Variants in ASGR1 observed in about 807,000 individuals in gnomAD.
ASGR1 encodes asialoglycoprotein receptor 1.
A neutral mutation model predicts 33.1 loss-of-function variants in ASGR1; 35 were observed. The observed-to-expected ratio is 1.06, with a 90% CI of 0.81 to 1.40. ASGR1 has a LOEUF of 1.40. Ranked by LOEUF, ASGR1 falls within the 40% of genes most tolerant of loss-of-function variation. The pLI is 0.00. For missense variants in ASGR1, 396 were observed against 373.7 expected, an observed-to-expected ratio of 1.06 and a Z score of -0.49; for synonymous variants, 142 against 152.5, an observed-to-expected ratio of 0.93 and a Z score of 0.51.
intron 5 of ASGR1, 51 bp from the exon 6 acceptor site, chr17:7,174,511 A>AGGGAAAC (rs1033933950): frequency 5.1e-6 from 8 of 1,570,464 alleles, no homozygotes; most frequent in East Asian, 4.6e-5. Flanking sequence ...AACCACGGGG[A>AGGGAAAC]GGGAAACGGG....
At chr17:7,174,851 CCACAACACA>C (rs758050383) in intron 5 of ASGR1, among the ~76,000 whole-genome samples, 8 of 141,832 alleles carry the variant, frequency 5.6e-5, no homozygotes, top group Admixed American at 7.0e-5. Context: ...CCACATACAT[CCACAACACA>C]CACAACACAC....
rs1354045172 is a variant in ASGR1, at chr17:7,174,684, TCCTA to T, written c.356-228_356-225del. ...CACACTCACACAGACACACAACACA[TCCTA>T]ACACACACACACAGACAATATACAA... On this transcript the variant is annotated intron_variant, in intron 5 of 8. Coordinates refer to ENST00000269299, the MANE Select transcript of ASGR1 (RefSeq NM_001671.5). Among the ~76,000 whole-genome samples the T allele has an allele frequency of 2.8e-5, 3 of 107,356 alleles. No homozygotes were observed. In the East Asian group the frequency reaches 8.6e-4, roughly 31 times the overall value. 70.4% of individuals were successfully genotyped at this position (107,356 alleles called of 152,430 possible).
At position 7,174,305 on chromosome 17, in the gene ASGR1, G is replaced by GGGGC. The variant is rs752100016; in HGVS notation, c.443-20_443-17dup. The GGGGC allele has an allele frequency of 1.5e-5, 25 of 1,613,476 alleles. No individual in the cohort carries two copies. In the African/African-American group the frequency reaches 2.1e-4, roughly 14 times the overall value. Reference sequence around the variant, plus strand: ...CTTTCTGAGCCTGAGCGGGAGAAACGGGGCGCAGGGGCTAAGCGCTGCCCA... The same window carrying GGGGC: ...CTTTCTGAGCCTGAGCGGGAGAAACGGGGCGGGCGCAGGGGCTAAGCGCTGCCCA... On this transcript the variant is annotated splice_polypyrimidine_tract_variant and intron_variant, in intron 6 of 8. Coordinates refer to ENST00000269299, the MANE Select transcript of ASGR1 (RefSeq NM_001671.5).
At chr17:7,176,527 CCACACACACACCATCTCATTCTCA>C in intron 5 of ASGR1, 2 of 414,954 alleles carry the variant, frequency 4.8e-6, no homozygotes, top group Non-Finnish European at 4.2e-6. Context: ...CCTCTCATTC[CCACACACACACCATCTCATTCTCA>C]CACACACACA....
In ASGR1 at chr17:7,174,069, T is replaced by C; in HGVS notation, c.595-2A>G. ...GCCTATGTGGTGCTGGACAAATTTCTGAGGAGAGAGAAGGCGGGTGGTGAT... is the reference window on the plus strand; with the variant it reads ...GCCTATGTGGTGCTGGACAAATTTCCGAGGAGAGAGAAGGCGGGTGGTGAT... On this transcript the variant is annotated splice_acceptor_variant, in intron 7 of 8. Coordinates refer to ENST00000269299, the MANE Select transcript of ASGR1 (RefSeq NM_001671.5). LOFTEE classifies it high-confidence loss of function. 6.2e-7 allele frequency: 1 copy of C among 1,614,190 alleles called. No individual in the cohort carries two copies. Among genetic ancestry groups the C allele is most frequent in the East Asian group, 2.2e-5 (1 of 44,880 alleles).
Position 7,174,156 on chromosome 17 carries a change from G to T in ASGR1, c.576C>A (p.Val192=), listed in dbSNP as rs764624231. The T allele has an allele frequency of 6.2e-7, 1 of 1,614,098 alleles. No individual in the cohort carries two copies. Among genetic ancestry groups the T allele is most frequent in the South Asian group, 1.1e-5 (1 of 91,076 alleles). Residue 192 remains valine, a synonymous_variant, in exon 7 of 9, where the codon GTC becomes GTA. Transcript: ENST00000269299. ...CRLEDAHLVV[V]TSWEEQKFVQ... ...TCCTCACCTGCTCCTCCCAGGACGTGACCACCACCAGGTGCGCGTCCTCCA... is the reference window on the plus strand; with the variant it reads ...TCCTCACCTGCTCCTCCCAGGACGTTACCACCACCAGGTGCGCGTCCTCCA...
At chr17:7,175,347 C>T (rs1030418514) in intron 5 of ASGR1, among the ~76,000 whole-genome samples, 3 of 142,048 alleles carry the variant, frequency 2.1e-5, no homozygotes, top group Admixed American at 2.1e-4. Flanking sequence ...CCTTCACCCA[C>T]ACACACACAC....
intron 5 of ASGR1, 52 bp downstream of exon 5, chr17:7,176,778 A>C: frequency 6.3e-7 from 1 of 1,576,328 alleles, no homozygotes; most frequent in Non-Finnish European, 8.6e-7. Flanking sequence ...ACATCCACAC[A>C]TTCTCACTCT....
chr17:7,178,188 CTTCGTCATAGGAAGCCGACAG>C, intron 2 of ASGR1: 1 of 412,736 alleles, frequency 2.4e-6, no homozygotes, highest in Non-Finnish European at 4.5e-6. Context: ...GGGGGCGTGA[CTTCGTCATAGGAAGCCGACAG>C]TGACCTCATC....
chr17:7,178,542 G>A lies in ASGR1; in HGVS notation c.22C>T (p.Leu8Phe), dbSNP rs967206490. 2 of 1,613,910 alleles carry A rather than the reference G, an allele frequency of 1.2e-6. No individual in the cohort carries two copies. Among genetic ancestry groups the A allele is most frequent in the Admixed American group, 1.7e-5 (1 of 59,980 alleles). Residue 8 changes from leucine (L) to phenylalanine (F), a missense_variant, in exon 2 of 9, where the codon CTT (leucine) becomes TTT (phenylalanine). By Grantham distance (22) the Leu-to-Phe change is conservative (BLOSUM62 0). Coordinates refer to ENST00000269299, the MANE Select transcript of ASGR1 (RefSeq NM_001671.5). ...CTCTCCTCATTGTCCAGATGCTGAA[G>A]GTCTTGATACTCCTTGGTCATGATA... The part of the protein sequence containing the change: MTKEYQD[L>F]QHLDNEESDH...
chr17:7,177,432 G>T, intron 2 of ASGR1, 106 bp from the exon 3 acceptor site: 1 of 842,176 alleles, frequency 1.2e-6, no homozygotes, highest in Non-Finnish European at 1.8e-6. Context: ...AGTCTAGGAG[G>T]AACCATGTAC....
At position 7,177,273 on chromosome 17, in the gene ASGR1, G is replaced by A. The variant is rs1243987027; in HGVS notation, c.124C>T (p.Leu42Phe). Residue 42 changes from leucine to phenylalanine, a missense_variant, in exon 3 of 9, where the codon CTC becomes TTC. By Grantham distance (22) the Leu-to-Phe change is conservative. Transcript: ENST00000269299. ...AGGCTGAGGCCCAGGGAGAGCAGGAGGAGGCGAGGTCCGGAGCAGAGACGC... is the reference window on the plus strand; with the variant it reads ...AGGCTGAGGCCCAGGGAGAGCAGGAAGAGGCGAGGTCCGGAGCAGAGACGC... ...LQRLCSGPRLLLLSLGLSLLL... is the reference protein window; with the variant it reads ...LQRLCSGPRLFLLSLGLSLLL... 10 of 1,613,654 alleles carry A rather than the reference G, an allele frequency of 6.2e-6. No homozygotes were observed. Among genetic ancestry groups the A allele is most frequent in the African/African-American group, 1.3e-5 (1 of 74,808 alleles).
rs367753365 is a variant in ASGR1, at chr17:7,174,085, G to A, written c.595-18C>T. ...ACAAATTTCTGAGGAGAGAGAAGGCGGGTGGTGATCTCTCCGAGGCCAGCC... is the reference window on the plus strand; with the variant it reads ...ACAAATTTCTGAGGAGAGAGAAGGCAGGTGGTGATCTCTCCGAGGCCAGCC... On this transcript the variant is annotated intron_variant, in intron 7 of 8. Coordinates refer to ENST00000269299, the MANE Select transcript of ASGR1 (RefSeq NM_001671.5). The A allele has an allele frequency of 2.2e-5, 36 of 1,614,064 alleles. No homozygotes were observed. The highest frequency in any genetic ancestry group is 1.6e-4 in the Middle Eastern group (1 of 6,084).
chr17:7,176,110 T>A (rs1256964435), intron 5 of ASGR1, among the ~76,000 whole-genome samples: 1 of 144,764 alleles, frequency 6.9e-6, no homozygotes, highest in Non-Finnish European at 1.5e-5. Flanking sequence ...TCCCTCTCAT[T>A]CTCACACTCA....
intron 2 of ASGR1, 81 bp downstream of exon 2, chr17:7,178,413 G>A (rs2069240678): frequency 2.8e-6 from 4 of 1,410,474 alleles, no homozygotes; most frequent in Non-Finnish European, 3.0e-6. Context: ...CCAGGCTCAC[G>A]GGCAAGAGTA....
At position 7,177,083 on chromosome 17, in the gene ASGR1, AG is replaced by A. The variant is rs2069227037; in HGVS notation, c.188-8del. 6.2e-7 allele frequency: 1 copy of A among 1,613,720 alleles called. No homozygotes were observed. The highest frequency in any genetic ancestry group is 8.5e-7 in the Non-Finnish European group (1 of 1,179,992). On this transcript the variant is annotated splice_polypyrimidine_tract_variant and splice_region_variant and intron_variant, in intron 3 of 8. Coordinates refer to ENST00000269299, the MANE Select transcript of ASGR1 (RefSeq NM_001671.5). ...TCCTCCTGCAGCTGGGAGTCTGGCC[AG>A]GACAGCGTGCAGAGAGAAGAAAACG...
At chr17:7,175,839 C>G (rs1230194989) in intron 5 of ASGR1, among the ~76,000 whole-genome samples, 2 of 138,818 alleles carry the variant, frequency 1.4e-5, no homozygotes, top group African/African-American at 6.0e-5. Flanking sequence ...ACACACACAC[C>G]CATCTCATTC....
At chr17:7,176,090 TCACA>T (rs200905367) in intron 5 of ASGR1, among the ~76,000 whole-genome samples, 19 of 140,734 alleles carry the variant, frequency 1.4e-4, no homozygotes, top group South Asian at 9.1e-4. Flanking sequence ...ATTCTCACAC[TCACA>T]CACACTCCCT....
chr17:7,175,222 C>T (rs2069182347), intron 5 of ASGR1, among the ~76,000 whole-genome samples: 1 of 150,890 alleles, frequency 6.6e-6, no homozygotes, highest in Admixed American at 6.6e-5. Context: ...CCCTTACACA[C>T]CCACTCACAC....
Sources: gnomAD v4.1 joint callset for allele counts (sites outside exome capture counted in the v4.1 genomes callset) on GRCh38, gnomAD v4.1.1 for gene constraint, MANE v1.5 for transcripts, NCBI Gene and HGNC (gene_info 2026-07-23, HGNC 2026-07-21) for gene names.